Variants in MGAT4C observed in about 807,000 individuals in gnomAD.
The protein encoded by MGAT4C is alpha-1,3-mannosyl-glycoprotein 4-beta-N-acetylglucosaminyltransferase C.
Under a neutral mutation model 40.1 loss-of-function variants are expected in MGAT4C, and 19 were observed. That is an observed-to-expected ratio of 0.47 (90% CI 0.33 to 0.70). MGAT4C has a LOEUF of 0.70. MGAT4C is among the 30% of genes least tolerant of loss of function. The probability of loss-of-function intolerance (pLI) is 0.02; values close to 1 mark genes in which losing one functional copy is unlikely to be tolerated. For synonymous variants in MGAT4C, 181 were observed against 187.1 expected (o/e 0.97, Z 0.27); for missense variants, 491 against 563.2 (o/e 0.87, Z 1.30).
intron 3 of MGAT4C, among the ~76,000 whole-genome samples, chr12:86,364,284 C>T (rs184417622): frequency 6.6e-6 from 1 of 152,166 alleles, no homozygotes; most frequent in East Asian, 1.9e-4. Flanking sequence ...AGAACAATAT[C>T]CCTCATGAAC....
At chr12:86,436,022 C>A (rs187246379) in intron 2 of MGAT4C, among the ~76,000 whole-genome samples, 6 of 151,916 alleles carry the variant, frequency 3.9e-5, no homozygotes, top group African/African-American at 1.4e-4. Flanking sequence ...CAATTTGTGT[C>A]ACTCTTTATA....
At chr12:86,237,684 T>C (rs1198109183) in intron 1 of MGAT4C, among the ~76,000 whole-genome samples, 1 of 151,840 alleles carries the variant, frequency 6.6e-6, no homozygotes, top group Non-Finnish European at 1.5e-5. Flanking sequence ...TGCTGTAAGT[T>C]CTTTGAAGCT....
chr12:86,067,728 C>A (rs1266013140), intron 1 of MGAT4C, among the ~76,000 whole-genome samples: 1 of 152,010 alleles, frequency 6.6e-6, no homozygotes, highest in African/African-American at 2.4e-5. Flanking sequence ...AGTGAAAGTG[C>A]AAATTGCCAA....
intron 3 of MGAT4C, among the ~76,000 whole-genome samples, chr12:86,378,748 A>C (rs1451708345): frequency 6.6e-6 from 1 of 152,194 alleles, no homozygotes; most frequent in Non-Finnish European, 1.5e-5. Context: ...AATCAATCTC[A>C]CGATACTAAT....
chr12:86,207,955 C>T (rs903926789), intron 1 of MGAT4C, among the ~76,000 whole-genome samples: 1 of 152,102 alleles, frequency 6.6e-6, no homozygotes, highest in Non-Finnish European at 1.5e-5. Context: ...TAGTAAACTA[C>T]CTAAGATCAG....
At chr12:86,436,762 T>C (rs1441029225) in intron 2 of MGAT4C, among the ~76,000 whole-genome samples, 2 of 151,776 alleles carry the variant, frequency 1.3e-5, no homozygotes, top group African/African-American at 2.4e-5. Flanking sequence ...AATTGGAGAA[T>C]AGGCATTTAG....
intron 2 of MGAT4C, chr12:86,495,354 T>C (rs1005168382): frequency 2.6e-5 from 4 of 152,272 alleles, no homozygotes; most frequent in Non-Finnish European, 5.9e-5. Flanking sequence ...TTGTCTGTAA[T>C]ATTTGCTTTT....
intron 1 of MGAT4C, among the ~76,000 whole-genome samples, chr12:86,794,460 G>A (rs907925157): frequency 5.3e-5 from 8 of 151,606 alleles, no homozygotes; most frequent in African/African-American, 1.7e-4. Context: ...GTTCCAATCT[G>A]TTTTCTAAAA....
At chr12:86,575,313 T>C (rs1426701565) in intron 2 of MGAT4C, among the ~76,000 whole-genome samples, 3 of 151,878 alleles carry the variant, frequency 2.0e-5, no homozygotes, top group Admixed American at 1.3e-4. Flanking sequence ...TTATTCATTC[T>C]TTTTAATTTT....
At chr12:86,078,989 A>G (rs1469136481) in intron 1 of MGAT4C, among the ~76,000 whole-genome samples, 3 of 152,224 alleles carry the variant, frequency 2.0e-5, no homozygotes, top group African/African-American at 7.2e-5. Context: ...TTCATATCTT[A>G]GTTGAATTTC....
intron 2 of MGAT4C, among the ~76,000 whole-genome samples, chr12:86,665,493 C>T (rs1964082274): frequency 6.6e-6 from 1 of 151,994 alleles, no homozygotes; most frequent in Admixed American, 6.6e-5. Flanking sequence ...TCTCCTGCCT[C>T]AGCCTCCCCA....
At chr12:86,623,530 AT>A (rs1962705659) in intron 2 of MGAT4C, among the ~76,000 whole-genome samples, 1 of 152,206 alleles carries the variant, frequency 6.6e-6, no homozygotes, top group Non-Finnish European at 1.5e-5. Context: ...CAATGGGCCA[AT>A]ATTTTAAAGA....
Position 85,962,885 on chromosome 12 carries a change from G to A in MGAT4C, c.*16404C>T, listed in dbSNP as rs1288275476. ...GTTAAGTCTAAATGGGTAAATAGCT[G>A]TTTATGTTAGTATTGCAGGGTAGCT... On this transcript the variant is annotated 3_prime_UTR_variant, in exon 5 of 5. Transcript: ENST00000611864. 1.3e-5 allele frequency: 2 copies of A among 151,482 alleles called. No homozygotes were observed. Among genetic ancestry groups the A allele is most frequent in the Non-Finnish European group, 1.5e-5 (1 of 67,676 alleles). The allele number at this position is 151,482 out of a possible 1,614,324, so 9.4% of individuals were successfully genotyped here. A position where few individuals can be genotyped will look rare whatever the true frequency, so the allele number is the denominator to read the frequency against.
chr12:86,751,269 C>T (rs1162117491), intron 1 of MGAT4C, among the ~76,000 whole-genome samples: 1 of 151,676 alleles, frequency 6.6e-6, no homozygotes, highest in South Asian at 2.1e-4. Context: ...TAAAGCAATC[C>T]AAAAAAATAT....
chr12:86,673,620 A>G (rs1964319125), intron 2 of MGAT4C, among the ~76,000 whole-genome samples: 2 of 152,208 alleles, frequency 1.3e-5, no homozygotes, highest in African/African-American at 2.4e-5. Context: ...GGTGATTAAT[A>G]TAAACTTGCT....
At chr12:86,617,516 G>A (rs760187110) in intron 2 of MGAT4C, among the ~76,000 whole-genome samples, 14 of 151,898 alleles carry the variant, frequency 9.2e-5, no homozygotes, top group Non-Finnish European at 1.6e-4. Context: ...GTGAAACCCC[G>A]TTTCTACTAA....
At chr12:86,187,107 A>G (rs1888849801) in intron 1 of MGAT4C, among the ~76,000 whole-genome samples, 1 of 152,054 alleles carries the variant, frequency 6.6e-6, no homozygotes, top group Non-Finnish European at 1.5e-5. Context: ...CGAGGCTTTT[A>G]CACTAAATTT....
At chr12:86,743,062 A>G (rs931179473) in intron 1 of MGAT4C, among the ~76,000 whole-genome samples, 23 of 145,096 alleles carry the variant, frequency 1.6e-4, no homozygotes, top group Non-Finnish European at 3.2e-4. Context: ...GTGTATGTGT[A>G]TGTGTGTATG....
intron 3 of MGAT4C, among the ~76,000 whole-genome samples, chr12:86,376,160 C>A (rs80267809): frequency 0.09 from 12,728 of 142,062 alleles, 752 homozygotes; most frequent in Middle Eastern, 0.25. Flanking sequence ...CCAAGGAGGG[C>A]AGATGGCTTG....
Sources: gnomAD v4.1 joint callset for allele counts (sites outside exome capture counted in the v4.1 genomes callset) on GRCh38, gnomAD v4.1.1 for gene constraint, MANE v1.5 for transcripts, NCBI Gene and HGNC (gene_info 2026-07-23, HGNC 2026-07-21) for gene names.